ZNF616: variants seen among roughly 807,000 people sequenced by gnomAD.
The protein encoded by ZNF616 is zinc finger protein 616.
ZNF616 carries 5 observed loss-of-function variants against 7.6 expected under a neutral mutation model. That is an observed-to-expected ratio of 0.66 (90% CI 0.34 to 1.38). ZNF616 has a LOEUF of 1.38. Ranked by LOEUF, ZNF616 falls within the 40% of genes most tolerant of loss-of-function variation. The pLI is 0.04. For missense variants in ZNF616, 913 were observed against 948.3 expected, an observed-to-expected ratio of 0.96 and a Z score of 0.49; for synonymous variants, 319 against 317.2, an observed-to-expected ratio of 1.01 and a Z score of -0.06.
In ZNF616 at chr19:52,127,350, C is replaced by T. The variant is rs530246566; in HGVS notation, c.12+3151G>A. Among the ~76,000 whole-genome samples the T allele has an allele frequency of 4.0e-4, 61 of 152,230 alleles. 1 individual carries two copies. Among genetic ancestry groups the T allele is most frequent in the East Asian group, 9.6e-4 (5 of 5,192 alleles). On this transcript the variant is annotated intron_variant, in intron 2 of 3. Transcript: ENST00000600228. ...GATTACAGGTGTGAGCCACCACACC[C>T]GGCCAATATGTGGAATTTAAATAAT... is the stretch of plus-strand genomic sequence containing the variant.
chr19:52,123,894 C>T (rs1384336218), intron 3 of ZNF616, 29 bp downstream of exon 3: 1 of 1,613,360 alleles, frequency 6.2e-7, no homozygotes. Context: ...AAGGGCGAAT[C>T]TGAACTTCTA....
Position 52,115,237 on chromosome 19 carries a change from T to TA in ZNF616, c.1926dup (p.Ser643Ter). The TA allele has an allele frequency of 6.2e-7, 1 of 1,614,204 alleles. No homozygotes were observed. ...TGAAGTCTAAGATGGACACGCTGAC[T>TA]AAAGGAATTCCCACACTGATTGCAT... is the stretch of plus-strand genomic sequence containing the variant. On this transcript the variant is annotated frameshift_variant, in exon 4 of 4. Coordinates refer to ENST00000600228, the MANE Select transcript of ZNF616 (RefSeq NM_178523.5). LOFTEE classifies it low-confidence loss of function (END_TRUNC).
At position 52,115,677 on chromosome 19, in the gene ZNF616, T is replaced by A. The variant is rs200876233; in HGVS notation, c.1487A>T (p.Asn496Ile). Residue 496 changes from asparagine to isoleucine, a missense_variant, in exon 4 of 4, where the codon AAT becomes ATT. By Grantham distance (149) the Asn-to-Ile change is moderately radical. Transcript: ENST00000600228. ...TTGACTGAAGACCTTGCCACATTCA[T>A]TGCATTTGTAAGGTTTCTCTCCAGT... ...IHTGEKPYKC[N>I]ECGKVFSQHS... 6.2e-7 allele frequency: 1 copy of A among 1,614,184 alleles called. No individual in the cohort carries two copies. Among genetic ancestry groups the A allele is most frequent in the Non-Finnish European group, 8.5e-7 (1 of 1,180,018 alleles).
intron 3 of ZNF616, among the ~76,000 whole-genome samples, chr19:52,120,086 T>C (rs1186027232): frequency 6.6e-6 from 1 of 152,156 alleles, no homozygotes; most frequent in Non-Finnish European, 1.5e-5. Context: ...TGGGCAAATA[T>C]TAATCTGAAA....
intron 2 of ZNF616, among the ~76,000 whole-genome samples, chr19:52,127,767 T>G (rs2088922465): frequency 6.6e-6 from 1 of 152,118 alleles, no homozygotes; most frequent in African/African-American, 2.4e-5. Context: ...TTATAAAAGA[T>G]CCATATGTCT....
chr19:52,135,948 G>A (rs139548693), intron 1 of ZNF616, among the ~76,000 whole-genome samples: 1,695 of 151,938 alleles, frequency 0.011, 33 homozygotes, highest in African/African-American at 0.039. Flanking sequence ...GGCCAACACA[G>A]TGAAACCCCA....
chr19:52,116,282 T>C lies in ZNF616; in HGVS notation c.882A>G (p.Glu294=). The C allele has an allele frequency of 1.9e-6, 3 of 1,613,890 alleles. No individual in the cohort carries two copies. The highest frequency in any genetic ancestry group is 2.5e-6 in the Non-Finnish European group (3 of 1,179,952). The change falls in exon 4 of 4, where the codon GAA becomes GAG. Residue 294 remains glutamate (E), a synonymous_variant. Transcript: ENST00000600228. The part of the protein sequence containing the change: ...LAVHQRIHTG[E]KPYKCNLCGK... Reference sequence around the variant, plus strand: ...CACACAGATTACATTTGTAAGGTTTTTCACCGGTATGAATTCTCTGATGAA... The same window carrying C: ...CACACAGATTACATTTGTAAGGTTTCTCACCGGTATGAATTCTCTGATGAA...
rs1297011042 is a variant in ZNF616 at position 52,115,534 on chromosome 19, T to C, written c.1630A>G (p.Thr544Ala). ...SAFARHRRIHTGEKPYKCKEC... is the reference protein window; with the variant it reads ...SAFARHRRIHAGEKPYKCKEC... ...TTGCATTTGTAAGGCTTCTCTCCAG[T>C]ATGAATTCTCCGATGCCTTGCAAAA... is the stretch of plus-strand genomic sequence containing the variant. Residue 544 changes from threonine (T) to alanine (A), a missense_variant, in exon 4 of 4, where the codon ACT (threonine) becomes GCT (alanine). By Grantham distance (58) the Thr-to-Ala change is moderately conservative. Transcript: ENST00000600228. The C allele has an allele frequency of 1.2e-6, 2 of 1,614,028 alleles. No homozygotes were observed. The highest frequency in any genetic ancestry group is 2.2e-5 in the South Asian group (2 of 91,068).
At chr19:52,123,844 G>T in intron 3 of ZNF616, 79 bp downstream of exon 3, 1 of 1,570,608 alleles carries the variant, frequency 6.4e-7, no homozygotes. Flanking sequence ...ATAACGGAGG[G>T]GTTCCCAAGA....
chr19:52,128,200 A>C (rs1055245345), intron 2 of ZNF616, among the ~76,000 whole-genome samples: 19 of 152,110 alleles, frequency 1.2e-4, no homozygotes, highest in Non-Finnish European at 2.4e-4. Flanking sequence ...AAAAAAAAAA[A>C]AAAACTTACT....
intron 2 of ZNF616, 50 bp downstream of exon 2, chr19:52,130,451 A>G (rs1314342714): frequency 1.3e-6 from 2 of 1,521,946 alleles, no homozygotes; most frequent in South Asian, 1.1e-5. Flanking sequence ...GGAAGGAGAC[A>G]GAATGACCCA....
At chr19:52,117,938 C>T (rs538827204) in intron 3 of ZNF616, among the ~76,000 whole-genome samples, 139 of 151,372 alleles carry the variant, frequency 9.2e-4, no homozygotes, top group Admixed American at 1.6e-3. Context: ...AGAGCAACTC[C>T]CTATCTATTG....
At chr19:52,131,799 TG>T (rs1443392540) in intron 1 of ZNF616, among the ~76,000 whole-genome samples, 2 of 152,066 alleles carry the variant, frequency 1.3e-5, no homozygotes, top group African/African-American at 4.8e-5. Flanking sequence ...TTTAAATGAG[TG>T]GGAAGTCTCA....
intron 2 of ZNF616, among the ~76,000 whole-genome samples, chr19:52,126,328 G>C (rs1472193349): frequency 2.0e-5 from 3 of 152,116 alleles, no homozygotes. Context: ...AGGAATTCGA[G>C]ACCAGCCTGG....
At chr19:52,134,273 G>T (rs1183729034) in intron 1 of ZNF616, among the ~76,000 whole-genome samples, 1 of 152,226 alleles carries the variant, frequency 6.6e-6, no homozygotes, top group Non-Finnish European at 1.5e-5. Context: ...TCGTAACAAG[G>T]TTTGAGGGAA....
rs1028541941 is a variant in ZNF616, at chr19:52,139,416, G to C, written c.-77+316C>G. ...GAGGACACTAGGTGGCGCGGGGGAC[G>C]GTGTCTCAGGACAGGGAGGGTCTGC... is the stretch of plus-strand genomic sequence containing the variant. On this transcript the variant is annotated intron_variant, in intron 1 of 3. Transcript: ENST00000600228. This position sits in a 1 kb window ranked among gnomAD's most constrained non-coding sequence, Gnocchi z 4.1. 1.3e-5 allele frequency among the ~76,000 whole-genome samples: 2 copies of C among 152,236 alleles called. No individual in the cohort carries two copies. Among genetic ancestry groups the C allele is most frequent in the South Asian group, 2.1e-4 (1 of 4,820 alleles).
At chr19:52,126,949 G>A (rs2088913840) in intron 2 of ZNF616, among the ~76,000 whole-genome samples, 1 of 151,804 alleles carries the variant, frequency 6.6e-6, no homozygotes, top group South Asian at 2.1e-4. Flanking sequence ...ACATAATAAA[G>A]ATATTATCAA....
chr19:52,115,763 G>A lies in ZNF616; in HGVS notation c.1401C>T (p.Cys467=), dbSNP rs1431256200. The change falls in exon 4 of 4, where the codon TGC becomes TGT. Residue 467 remains cysteine (C), a synonymous_variant. Transcript: ENST00000600228. ...TGCTGAAAACTTTGCCACATTCATT[G>A]CATTTATAAGCTTTCTCGCCGGTAT... ...RIHTGEKAYK[C]NECGKVFSIH... is the part of the protein sequence containing the mutation. The A allele has an allele frequency of 6.2e-7, 1 of 1,613,920 alleles. No individual in the cohort carries two copies. The highest frequency in any genetic ancestry group is 8.5e-7 in the Non-Finnish European group (1 of 1,179,998).
rs2088789357 is a variant in ZNF616, at chr19:52,113,586, T to C, written c.*1232A>G. The C allele has an allele frequency of 6.6e-6, 1 of 152,214 alleles. No homozygotes were observed. Among genetic ancestry groups the C allele is most frequent in the African/African-American group, 2.4e-5 (1 of 41,460 alleles). 9.4% of individuals were successfully genotyped at this position (152,214 alleles called of 1,614,324 possible). A position where few individuals can be genotyped will look rare whatever the true frequency, so the allele number is the denominator to read the frequency against. ...ATTAAGGCAAAAATGCATTAGCTAT[T>C]TGTCCTGATGCTCCACTTCCCTGCC... On this transcript the variant is annotated 3_prime_UTR_variant, in exon 4 of 4. Coordinates refer to ENST00000600228, the MANE Select transcript of ZNF616 (RefSeq NM_178523.5).
Sources: gnomAD v4.1 joint callset for allele counts (sites outside exome capture counted in the v4.1 genomes callset) on GRCh38, gnomAD v4.1.1 for gene constraint, Gnocchi (gnomAD v3.1) non-coding constraint, MANE v1.5 for transcripts, NCBI Gene and HGNC (gene_info 2026-07-23, HGNC 2026-07-21) for gene names.